Variants in HDX observed in about 807,000 individuals in gnomAD.
HDX encodes highly divergent homeobox.
Under a neutral mutation model 45.2 loss-of-function variants are expected in HDX, and 19 were observed. The observed-to-expected ratio is 0.42, with a 90% CI of 0.29 to 0.62. HDX has a LOEUF of 0.62. HDX is among the 20% of genes least tolerant of loss of function. The pLI, the probability that HDX is intolerant of heterozygous loss-of-function variation, is 0.20. For synonymous variants in HDX, 188 were observed against 172.8 expected (o/e 1.09, Z -0.69); for missense variants, 532 against 493.9 (o/e 1.08, Z -0.73).
At chrX:84,472,876 T>C (rs2040477774) in intron 3 of HDX, among the ~76,000 whole-genome samples, 1 of 110,259 alleles carries the variant, frequency 9.1e-6, no homozygotes, top group African/African-American at 3.3e-5. Flanking sequence ...TTTACTAAAA[T>C]TTGTTCAGTT....
intron 5 of HDX, among the ~76,000 whole-genome samples, chrX:84,376,505 A>C (rs1185544644): frequency 2.7e-5 from 3 of 111,360 alleles, no homozygotes; most frequent in African/African-American, 9.8e-5. Context: ...AGGGGAGTGC[A>C]CTTCCCTGAA....
chrX:84,325,725 A>G (rs759113636), intron 10 of HDX, among the ~76,000 whole-genome samples: 1 of 111,847 alleles, frequency 8.9e-6, no homozygotes, highest in South Asian at 3.7e-4. Context: ...GTGATGAGCA[A>G]CACATTACAG....
intron 5 of HDX, among the ~76,000 whole-genome samples, chrX:84,435,640 C>A (rs1231887133): frequency 9.5e-6 from 1 of 105,048 alleles, no homozygotes; most frequent in East Asian, 3.0e-4. Flanking sequence ...CTTGCCCACG[C>A]CTATGTCCTG....
chrX:84,472,115 A>C (rs1230715121), intron 3 of HDX, among the ~76,000 whole-genome samples: 2 of 110,085 alleles, frequency 1.8e-5, no homozygotes, highest in Admixed American at 9.8e-5. Context: ...TAAAAAAAAA[A>C]ACACACAACG....
In HDX at chrX:84,442,599, T is replaced by A. The variant is rs184327289; in HGVS notation, c.1252-2014A>T. ...GCTGAAGGTGATAGGAAATTTATTC[T>A]CAAAAATTATTCAAAATGTATTTTT... On this transcript the variant is annotated intron_variant, in intron 4 of 10. Transcript: ENST00000373177. 3.9e-3 allele frequency among the ~76,000 whole-genome samples: 435 copies of A among 111,477 alleles called. 1 individual carries two copies. Among genetic ancestry groups the A allele is most frequent in the African/African-American group, 0.014 (419 of 30,838 alleles).
At chrX:84,345,425 C>CA (rs1239762081) in intron 6 of HDX, among the ~76,000 whole-genome samples, 1 of 111,319 alleles carries the variant, frequency 9.0e-6, no homozygotes, top group Admixed American at 9.6e-5. Flanking sequence ...TTCAATTCAG[C>CA]ATCATTCCCT....
chrX:84,372,367 A>G (rs1463866177), intron 5 of HDX, among the ~76,000 whole-genome samples: 1 of 111,791 alleles, frequency 8.9e-6, no homozygotes, highest in East Asian at 2.8e-4. Flanking sequence ...AACTTTTTGC[A>G]TAGCCTTAAT....
At chrX:84,426,342 C>T (rs950794099) in intron 5 of HDX, among the ~76,000 whole-genome samples, 4 of 110,502 alleles carry the variant, frequency 3.6e-5, no homozygotes, top group Non-Finnish European at 7.6e-5. Flanking sequence ...GAAATAAGTA[C>T]CTCAAAGAGA....
intron 5 of HDX, among the ~76,000 whole-genome samples, chrX:84,393,119 A>T (rs1327085773): frequency 8.9e-6 from 1 of 111,826 alleles, no homozygotes; most frequent in Non-Finnish European, 1.9e-5. Context: ...AAAGAATTTC[A>T]GCTTTTCCCC....
chrX:84,368,775 A>T (rs778221794), intron 5 of HDX, among the ~76,000 whole-genome samples: 1 of 111,397 alleles, frequency 9.0e-6, no homozygotes, highest in Non-Finnish European at 1.9e-5. Flanking sequence ...AGTTTCATGG[A>T]AGACAATTTT....
chrX:84,464,953 T>C (rs917812903), intron 4 of HDX, among the ~76,000 whole-genome samples: 11 of 111,746 alleles, frequency 9.8e-5, no homozygotes, highest in African/African-American at 3.6e-4. Context: ...ATCCAGAATC[T>C]ACAAAGAACT....
intron 5 of HDX, among the ~76,000 whole-genome samples, chrX:84,377,438 TA>T (rs2038083588): frequency 9.0e-6 from 1 of 111,519 alleles, no homozygotes; most frequent in Non-Finnish European, 1.9e-5. Context: ...GAAGCAGAGA[TA>T]TGTTACCTTT....
chrX:84,458,997 T>C (rs2040174730), intron 4 of HDX, among the ~76,000 whole-genome samples: 2 of 111,964 alleles, frequency 1.8e-5, no homozygotes, highest in South Asian at 7.3e-4. Context: ...CAAAAAAGTG[T>C]TTTAAAAATT....
intron 4 of HDX, among the ~76,000 whole-genome samples, chrX:84,458,848 A>G (rs1479298704): frequency 1.8e-5 from 2 of 111,597 alleles, no homozygotes; most frequent in Non-Finnish European, 3.8e-5. Context: ...AAGATTCCCT[A>G]TTGGTGTCAT....
intron 5 of HDX, among the ~76,000 whole-genome samples, chrX:84,419,547 T>TTGGACTCTAG (rs200849578): frequency 0.068 from 7,555 of 111,597 alleles, 317 homozygotes; most frequent in African/African-American, 0.15. Context: ...TTCAAAGATA[T>TTGGACTCTAG]TGGACTCTAG....
intron 2 of HDX, among the ~76,000 whole-genome samples, chrX:84,477,068 C>A (rs1297486812): frequency 9.0e-6 from 1 of 111,357 alleles, no homozygotes; most frequent in Non-Finnish European, 1.9e-5. Flanking sequence ...TTTTTTTTTA[C>A]TATCATGGCT....
chrX:84,462,348 G>A (rs756014081), intron 4 of HDX, among the ~76,000 whole-genome samples: 3 of 111,795 alleles, frequency 2.7e-5, no homozygotes, highest in African/African-American at 9.7e-5. Context: ...AAATAACAAT[G>A]AGATCCTGTC....
rs1168778120 is a variant in HDX, at chrX:84,468,782, G to A, written c.941C>T (p.Ala314Val). 2 of 1,210,429 alleles carry A rather than the reference G, an allele frequency of 1.7e-6. No homozygotes were observed. Among genetic ancestry groups the A allele is most frequent in the Non-Finnish European group, 2.2e-6 (2 of 894,359 alleles). Reference sequence around the variant, plus strand: ...GCTTGGTATCTGTGCTCTCATCGATGCCAGCTCTTCCTCTCTGGCATATTC... The same window carrying A: ...GCTTGGTATCTGTGCTCTCATCGATACCAGCTCTTCCTCTCTGGCATATTC... Reference protein sequence around the residue: ...EDEYAREEELASMRAQIPSYS... With the variant: ...EDEYAREEELVSMRAQIPSYS... The change falls in exon 4 of 11, where the codon GCA (alanine) becomes GTA (valine). Residue 314 changes from alanine to valine, a missense_variant. Around this residue, in one of 3 missense-constraint regions of HDX, gnomAD observed 376 missense variants for 343.7 expected, o/e 1.09. Transcript: ENST00000373177.
At chrX:84,389,655 C>T (rs187577516) in intron 5 of HDX, among the ~76,000 whole-genome samples, 25 of 111,459 alleles carry the variant, frequency 2.2e-4, no homozygotes, top group Admixed American at 2.1e-3. Flanking sequence ...AATAGACATG[C>T]GTCAGTCCCA....
Sources: gnomAD v4.1 joint callset for allele counts (sites outside exome capture counted in the v4.1 genomes callset) on GRCh38, gnomAD v4.1.1 for gene constraint, gnomAD v4.1.1 regional missense constraint, MANE v1.5 for transcripts, NCBI Gene and HGNC (gene_info 2026-07-23, HGNC 2026-07-21) for gene names.